The following DSC3 variants were observed in gnomAD, a reference collection of about 807,000 sequenced individuals.
DSC3 encodes the protein desmocollin-3.
In DSC3, 97 loss-of-function variants were observed where a neutral mutation model predicts 89.5. The ratio of observed to expected loss-of-function variants is 1.08; its 90% CI spans 0.92 to 1.28. The LOEUF (loss-of-function observed/expected upper bound fraction) is 1.28. DSC3 is among the 50% of genes most tolerant of loss of function. The pLI is 0.00. For missense variants in DSC3, 1,199 were observed against 1,085.3 expected (o/e 1.10, Z -1.47); for synonymous variants, 436 against 384.1 (o/e 1.14, Z -1.58).
rs1413545274 is a variant in DSC3, at chr18:30,993,109, A to T, written c.*1066T>A. ...GGTTATTTGGATCTAAATTAAAAAG[A>T]TGTTGGTCACTATAAGAGAGAATAG... On this transcript the variant is annotated 3_prime_UTR_variant, in exon 16 of 16. Coordinates refer to ENST00000360428, the MANE Select transcript of DSC3 (RefSeq NM_001941.5). The T allele has an allele frequency of 1.3e-5, 2 of 152,210 alleles. No individual in the cohort carries two copies. Among genetic ancestry groups the T allele is most frequent in the African/African-American group, 4.8e-5 (2 of 41,452 alleles). 9.4% of individuals were successfully genotyped at this position (152,210 alleles called of 1,614,324 possible). A position where few individuals can be genotyped will look rare whatever the true frequency, so the allele number is the denominator to read the frequency against.
intron 11 of DSC3, among the ~76,000 whole-genome samples, chr18:31,007,623 C>T (rs1010060969): frequency 6.6e-6 from 1 of 152,090 alleles, no homozygotes; most frequent in Non-Finnish European, 1.5e-5. Context: ...CTCTAGGTTA[C>T]TTTAAGGAAC....
chr18:31,021,252 A>G (rs564315076), intron 7 of DSC3, among the ~76,000 whole-genome samples: 133 of 152,214 alleles, frequency 8.7e-4, no homozygotes, highest in African/African-American at 2.9e-3. Flanking sequence ...AAAAAATTTG[A>G]TGACTAAAAC....
At chr18:30,995,396 A>G (rs533500281) in intron 15 of DSC3, among the ~76,000 whole-genome samples, 1 of 152,324 alleles carries the variant, frequency 6.6e-6, no homozygotes, top group East Asian at 1.9e-4. Context: ...CCAAAATGCT[A>G]TGGATACATA....
At chr18:31,021,609 A>G (rs1427066349) in intron 7 of DSC3, among the ~76,000 whole-genome samples, 1 of 152,194 alleles carries the variant, frequency 6.6e-6, no homozygotes, top group Non-Finnish European at 1.5e-5. Context: ...AACTATTCCA[A>G]TAAAGCTATT....
At chr18:31,033,485 T>C (rs1985869188) in intron 1 of DSC3, among the ~76,000 whole-genome samples, 2 of 152,174 alleles carry the variant, frequency 1.3e-5, no homozygotes, top group Non-Finnish European at 2.9e-5. Flanking sequence ...CTTCCAGACA[T>C]TTCAAGAGAA....
intron 9 of DSC3, among the ~76,000 whole-genome samples, chr18:31,016,617 T>C (rs1037400927): frequency 2.0e-5 from 3 of 152,090 alleles, no homozygotes; most frequent in African/African-American, 7.2e-5. Flanking sequence ...GACTCAAAGA[T>C]TTGGCTCTTC....
intron 14 of DSC3, among the ~76,000 whole-genome samples, chr18:30,999,125 C>A (rs563549286): frequency 6.6e-6 from 1 of 152,264 alleles, no homozygotes; most frequent in East Asian, 1.9e-4. Context: ...ACAGTGGTAA[C>A]CTCGACATGT....
At chr18:31,018,823 A>G in intron 7 of DSC3, 23 bp from the exon 8 acceptor site, 1 of 1,611,918 alleles carries the variant, frequency 6.2e-7, no homozygotes, top group Non-Finnish European at 8.5e-7. Context: ...CAAATATTTA[A>G]CTAGTCTTGA....
At chr18:31,011,104 G>A (rs1168643600) in intron 9 of DSC3, among the ~76,000 whole-genome samples, 3 of 152,180 alleles carry the variant, frequency 2.0e-5, no homozygotes, top group South Asian at 2.1e-4. Flanking sequence ...GCTTGACAGC[G>A]TATAGTTAGA....
At position 31,029,605 on chromosome 18, in the gene DSC3, T is replaced by C; in HGVS notation, c.378A>G (p.Arg126=). 1 of 1,613,816 alleles carries C rather than the reference T, an allele frequency of 6.2e-7. No individual in the cohort carries two copies. Among genetic ancestry groups the C allele is most frequent in the East Asian group, 2.2e-5 (1 of 44,866 alleles). ...QKKVSKTRHT[R]ETVLRRAKRR... is the part of the protein sequence containing the mutation. ...TCTTGGCACGCCTGAGAACAGTTTC[T>C]CTAGTGTGTCTTGTCTTCGATACCT... The change falls in exon 4 of 16, where the codon AGA becomes AGG. Residue 126 remains arginine, a synonymous_variant. Transcript: ENST00000360428.
chr18:31,019,183 G>A (rs1003210399), intron 7 of DSC3, among the ~76,000 whole-genome samples: 3 of 152,250 alleles, frequency 2.0e-5, no homozygotes, highest in South Asian at 2.1e-4. Flanking sequence ...TGCAACCTCC[G>A]CCTCCTGAGT....
intron 15 of DSC3, among the ~76,000 whole-genome samples, chr18:30,995,337 T>C (rs1468941713): frequency 6.6e-6 from 1 of 152,224 alleles, no homozygotes; most frequent in Non-Finnish European, 1.5e-5. Flanking sequence ...ATTACATAAA[T>C]ACTGACTGTC....
chr18:31,012,747 T>C (rs1245139126), intron 9 of DSC3, among the ~76,000 whole-genome samples: 1 of 152,158 alleles, frequency 6.6e-6, no homozygotes, highest in Non-Finnish European at 1.5e-5. Flanking sequence ...GAAGCAAGCA[T>C]AAAATTGATA....
chr18:31,032,341 A>C, intron 1 of DSC3, 65 bp from the exon 2 acceptor site: 1 of 1,265,902 alleles, frequency 7.9e-7, no homozygotes, highest in East Asian at 2.4e-5. Flanking sequence ...TAATCATATC[A>C]ATAGATGTAA....
At chr18:31,002,467 G>A (rs1984695105) in intron 13 of DSC3, among the ~76,000 whole-genome samples, 1 of 152,142 alleles carries the variant, frequency 6.6e-6, no homozygotes, top group African/African-American at 2.4e-5. Flanking sequence ...TTGGGAGGCT[G>A]AGGCGGGTGG....
At chr18:31,016,645 TA>T in intron 9 of DSC3, among the ~76,000 whole-genome samples, 1 of 152,260 alleles carries the variant, frequency 6.6e-6, no homozygotes, top group South Asian at 2.1e-4. Context: ...GGGTTCCCTC[TA>T]AAACCAGAGG....
In DSC3 at chr18:30,994,022, A is replaced by T; in HGVS notation, c.*153T>A. ...TTTCACTTTTTGGAAAAGATAAGCA[A>T]CAACTTGCTTTAAAAATATAAATTG... On this transcript the variant is annotated 3_prime_UTR_variant, in exon 16 of 16. Coordinates refer to ENST00000360428, the MANE Select transcript of DSC3 (RefSeq NM_001941.5). The T allele has an allele frequency of 1.3e-6, 1 of 771,726 alleles. No individual in the cohort carries two copies. Among genetic ancestry groups the T allele is most frequent in the Non-Finnish European group, 2.1e-6 (1 of 478,078 alleles). The allele number at this position is 771,726 out of a possible 1,614,324, so 47.8% of individuals were successfully genotyped here. A position where few individuals can be genotyped will look rare whatever the true frequency, so the allele number is the denominator to read the frequency against.
chr18:30,999,358 A>G (rs529325815), intron 14 of DSC3, among the ~76,000 whole-genome samples: 1 of 152,290 alleles, frequency 6.6e-6, no homozygotes. Context: ...ATACCAGAAA[A>G]AAAGAATTGA....
At chr18:31,036,193 G>C (rs1034346143) in intron 1 of DSC3, among the ~76,000 whole-genome samples, 1 of 152,032 alleles carries the variant, frequency 6.6e-6, no homozygotes, top group Admixed American at 6.5e-5. Context: ...AATGCCCCTA[G>C]CATATTAAAT....
Sources: gnomAD v4.1 joint callset for allele counts (sites outside exome capture counted in the v4.1 genomes callset) on GRCh38, gnomAD v4.1.1 for gene constraint, MANE v1.5 for transcripts, NCBI Gene and HGNC (gene_info 2026-07-23, HGNC 2026-07-21) for gene names.